Variants in IGDCC4 observed in about 807,000 individuals in gnomAD.
IGDCC4 encodes immunoglobulin superfamily DCC subclass member 4, also known as likely ortholog of mouse neighbor of Punc E11.
A neutral mutation model predicts 116.6 loss-of-function variants in IGDCC4; 72 were observed. That is an observed-to-expected ratio of 0.62 (90% CI 0.51 to 0.75). The LOEUF (loss-of-function observed/expected upper bound fraction) is 0.75. Among genes scored for constraint, IGDCC4 ranks in the 30% least tolerant of loss-of-function variants. The pLI, the probability that IGDCC4 is intolerant of heterozygous loss-of-function variation, is 0.00. For synonymous variants in IGDCC4, 709 were observed against 719.9 expected (o/e 0.98, Z 0.24); for missense variants, 1,501 against 1,662.4 (o/e 0.90, Z 1.69).
Position 65,396,980 on chromosome 15 carries a change from G to T in IGDCC4, c.851C>A (p.Pro284His). ...CAGGACGATGACATCTGTGGAGATGGGCTTCCCGTCTGGGGAAGGAGAGGG... is the reference window on the plus strand; with the variant it reads ...CAGGACGATGACATCTGTGGAGATGTGCTTCCCGTCTGGGGAAGGAGAGGG... ...FVSWVRQDGK[P>H]ISTDVIVLGR... Residue 284 changes from proline to histidine, a missense_variant, in exon 6 of 20, where the codon CCC becomes CAC. Pro to His is a moderately conservative substitution (Grantham distance 77). Transcript: ENST00000352385. 6.3e-7 allele frequency: 1 copy of T among 1,580,460 alleles called. No homozygotes were observed. The highest frequency in any genetic ancestry group is 8.6e-7 in the Non-Finnish European group (1 of 1,162,750).
chr15:65,390,376 G>A, intron 12 of IGDCC4, 38 bp from the exon 13 acceptor site: 1 of 1,511,324 alleles, frequency 6.6e-7, no homozygotes, highest in Non-Finnish European at 9.0e-7. Context: ...AAGGGAGGGA[G>A]GATACTCATC....
chr15:65,403,720 G>T (rs2063013158), intron 3 of IGDCC4, among the ~76,000 whole-genome samples: 1 of 152,142 alleles, frequency 6.6e-6, no homozygotes, highest in Admixed American at 6.5e-5. Context: ...GAGAGGACGT[G>T]GTCTCCAAGC....
rs1446806318 is a variant in IGDCC4, at chr15:65,411,288, C to G, written c.153G>C (p.Gln51His). Residue 51 changes from glutamine to histidine, a missense_variant, in exon 2 of 20, where the codon CAG (glutamine) becomes CAC (histidine). Gln to His is a conservative substitution (Grantham distance 24). Transcript: ENST00000352385. ...GPLQVILGPE[Q>H]AAVLNCSLGA... Reference sequence around the variant, plus strand: ...CCAGGCTACAGTTTAGCACTGCAGCCTGCTCTGGGCCCAGGATCACTTGCA... The same window carrying G: ...CCAGGCTACAGTTTAGCACTGCAGCGTGCTCTGGGCCCAGGATCACTTGCA... 6.2e-7 allele frequency: 1 copy of G among 1,612,784 alleles called. No homozygotes were observed. The highest frequency in any genetic ancestry group is 1.1e-5 in the South Asian group (1 of 90,938).
intron 18 of IGDCC4, 86 bp downstream of exon 18, chr15:65,385,745 G>A: frequency 9.1e-7 from 1 of 1,102,628 alleles, no homozygotes; most frequent in Non-Finnish European, 1.4e-6. Flanking sequence ...AGGAGGTAGA[G>A]CCATGCTCGC....
At position 65,392,283 on chromosome 15, in the gene IGDCC4, A is replaced by C; in HGVS notation, c.1973T>G (p.Ile658Ser). The change falls in exon 11 of 20, where the codon ATC (isoleucine) becomes AGC (serine). Residue 658 changes from isoleucine to serine, a missense_variant. By Grantham distance (142) the Ile-to-Ser change is moderately radical. This residue lies in a region of IGDCC4 where 898 missense variants were observed against 978.9 expected (regional missense o/e 0.92). Transcript: ENST00000352385. ...SWQPPPHPTQ[I>S]SGYKLYWREV... ...CCGCCAATATAGTTTGTAGCCAGAG[A>C]TCTGGGTGGGGTGAGGGGGTGGCTG... The C allele has an allele frequency of 6.2e-7, 1 of 1,605,720 alleles. No individual in the cohort carries two copies.
Position 65,392,321 on chromosome 15 carries a change from C to T in IGDCC4, c.1935G>A (p.Leu645=). 1 of 1,584,202 alleles carries T rather than the reference C, an allele frequency of 6.3e-7. No individual in the cohort carries two copies. Among genetic ancestry groups the T allele is most frequent in the Non-Finnish European group, 8.6e-7 (1 of 1,161,976 alleles). The change falls in exon 11 of 20, where the codon CTG becomes CTA. Residue 645 remains leucine, a synonymous_variant. Coordinates refer to ENST00000352385, the MANE Select transcript of IGDCC4 (RefSeq NM_020962.3). The part of the protein sequence containing the change: ...ELKVQAKMES[L]VVSWQPPPHP... ...GAGGGGGTGGCTGCCATGACACGAC[C>T]AGGGACTCCATCTTTGCCTGCACCT...
intron 3 of IGDCC4, among the ~76,000 whole-genome samples, chr15:65,408,555 C>T (rs1470715368): frequency 6.6e-6 from 1 of 152,234 alleles, no homozygotes; most frequent in Non-Finnish European, 1.5e-5. Context: ...ACAAGGTCAA[C>T]AGGATTCTCG....
In IGDCC4 at chr15:65,422,780, C is replaced by T; in HGVS notation, c.70+13G>A. 1 of 1,329,122 alleles carries T rather than the reference C, an allele frequency of 7.5e-7. No individual in the cohort carries two copies. Among genetic ancestry groups the T allele is most frequent in the South Asian group, 1.8e-5 (1 of 54,590 alleles). 82.3% of individuals were successfully genotyped at this position (1,329,122 alleles called of 1,614,324 possible). On this transcript the variant is annotated intron_variant, in intron 1 of 19. Transcript: ENST00000352385. ...CCGCAGTCGCTCCTGCCTCTCCGGG[C>T]GCCCGCCCTTACCGCGCGCGGCCAA... is the stretch of plus-strand genomic sequence containing the variant.
rs1203272913 is a variant in IGDCC4, at chr15:65,388,995, G to T, written c.2537-17C>A. ...TGGAGGGCCCTGGGGTGCGGGAGAG[G>T]AGATGGGGAGAGATGTCAGAGCTGG... On this transcript the variant is annotated splice_polypyrimidine_tract_variant and intron_variant, in intron 14 of 19. Transcript: ENST00000352385. 2 of 1,518,892 alleles carry T rather than the reference G, an allele frequency of 1.3e-6. No individual in the cohort carries two copies. The highest frequency in any genetic ancestry group is 4.6e-5 in the East Asian group (2 of 43,444). The allele number at this position is 1,518,892 out of a possible 1,614,324, so 94.1% of individuals were successfully genotyped here. A position where few individuals can be genotyped will look rare whatever the true frequency, so the allele number is the denominator to read the frequency against.
Position 65,388,554 on chromosome 15 carries a change from C to G in IGDCC4, c.2740G>C (p.Glu914Gln), listed in dbSNP as rs1450688753. The G allele has an allele frequency of 6.2e-7, 1 of 1,614,128 alleles. No homozygotes were observed. The highest frequency in any genetic ancestry group is 8.5e-7 in the Non-Finnish European group (1 of 1,180,028). Residue 914 changes from glutamate to glutamine, a missense_variant, in exon 16 of 20, where the codon GAG becomes CAG. By Grantham distance (29) the Glu-to-Gln change is conservative. Transcript: ENST00000352385. ...TTGAAGAAGTACCGAGTGTCGCTCTCCAGGCCATGGACCTCAGCACTGAAG... is the reference window on the plus strand; with the variant it reads ...TTGAAGAAGTACCGAGTGTCGCTCTGCAGGCCATGGACCTCAGCACTGAAG... ...NIFSAEVHGL[E>Q]SDTRYFFKMG...
At chr15:65,395,618 T>C in intron 7 of IGDCC4, 132 bp downstream of exon 7, 5 of 1,029,594 alleles carry the variant, frequency 4.9e-6, no homozygotes, top group Non-Finnish European at 6.6e-6. Flanking sequence ...GTCTCTCCTA[T>C]GGGCTCCTAC....
Position 65,395,160 on chromosome 15 carries a change from C to T in IGDCC4, c.1510G>A (p.Val504Met), listed in dbSNP as rs764830479. 1.9e-6 allele frequency: 3 copies of T among 1,613,942 alleles called. No homozygotes were observed. The highest frequency in any genetic ancestry group is 2.5e-6 in the Non-Finnish European group (3 of 1,179,916). The change falls in exon 8 of 20, where the codon GTG (valine) becomes ATG (methionine). Residue 504 changes from valine to methionine, a missense_variant. Coordinates refer to ENST00000352385, the MANE Select transcript of IGDCC4 (RefSeq NM_020962.3). The part of the protein sequence containing the change: ...EPNTDYEFYV[V>M]AYSQLGASRT... The stretch of plus-strand genomic sequence containing the variant: ...CTGGCTCCCAGCTGGGAGTAGGCCA[C>T]CACGTAGAACTCATAATCTGTGTTG...
At chr15:65,400,762 T>C in intron 5 of IGDCC4, 44 bp downstream of exon 5, 1 of 1,553,648 alleles carries the variant, frequency 6.4e-7, no homozygotes, top group African/African-American at 1.4e-5. Flanking sequence ...AGATGCCACA[T>C]CCCTCCCTTC....
intron 13 of IGDCC4, 99 bp from the exon 14 acceptor site, chr15:65,389,510 G>C (rs936042471): frequency 8.4e-6 from 13 of 1,546,510 alleles, no homozygotes; most frequent in Admixed American, 3.5e-5. Flanking sequence ...CCAGCCCCAG[G>C]CTCTACCCTG....
Position 65,393,512 on chromosome 15 carries a change from C to T in IGDCC4, c.1734G>A (p.Glu578=). 1 of 1,603,434 alleles carries T rather than the reference C, an allele frequency of 6.2e-7. No individual in the cohort carries two copies. The highest frequency in any genetic ancestry group is 8.5e-7 in the Non-Finnish European group (1 of 1,173,590). ...TAAGCTGTGTCTCATTTCCTCGCACCTCAGTAGAGAAAATCTGATCTGCAG... is the reference window on the plus strand; with the variant it reads ...TAAGCTGTGTCTCATTTCCTCGCACTTCAGTAGAGAAAATCTGATCTGCAG... The part of the protein sequence containing the change: ...LGKEDQIFST[E]VRGNETQLML... Residue 578 remains glutamate, a synonymous_variant, in exon 10 of 20, where the codon GAG becomes GAA. Transcript: ENST00000352385. This position sits in a 1 kb window ranked among gnomAD's most constrained non-coding sequence, Gnocchi z 4.6.
At chr15:65,388,410 A>G in intron 16 of IGDCC4, 39 bp downstream of exon 16, 1 of 1,612,762 alleles carries the variant, frequency 6.2e-7, no homozygotes, top group Non-Finnish European at 8.5e-7. Context: ...GGGGCTTGGA[A>G]GTCAATCCAG....
intron 8 of IGDCC4, 37 bp downstream of exon 8, chr15:65,395,057 T>C: frequency 6.4e-7 from 1 of 1,572,432 alleles, no homozygotes; most frequent in Non-Finnish European, 8.7e-7. Context: ...GAATTCTCTT[T>C]ACCCCAAGCT....
At chr15:65,415,528 G>A (rs1050408294) in intron 1 of IGDCC4, among the ~76,000 whole-genome samples, 5 of 152,206 alleles carry the variant, frequency 3.3e-5, no homozygotes, top group Non-Finnish European at 4.4e-5. Flanking sequence ...GAGAGAAGAC[G>A]GGGTCCCCCT....
intron 1 of IGDCC4, among the ~76,000 whole-genome samples, chr15:65,415,055 C>G (rs1171675391): frequency 6.6e-6 from 1 of 152,178 alleles, no homozygotes; most frequent in African/African-American, 2.4e-5. Context: ...ATTTGCTGTT[C>G]TTATCATCCA....
Sources: allele counts gnomAD v4.1 joint callset (sites outside exome capture counted in the v4.1 genomes callset), GRCh38; gene constraint gnomAD v4.1.1; regional missense constraint gnomAD v4.1.1; non-coding constraint Gnocchi (gnomAD v3.1); transcripts MANE v1.5; gene names NCBI Gene and HGNC (gene_info 2026-07-23, HGNC 2026-07-21).